The following COX5A variants were observed in gnomAD, a reference collection of about 807,000 sequenced individuals.
COX5A encodes cytochrome c oxidase subunit 5A, mitochondrial.
A neutral mutation model predicts 16.1 loss-of-function variants in COX5A; 6 were observed. The ratio of observed to expected loss-of-function variants is 0.37; its 90% CI spans 0.20 to 0.73. The LOEUF (loss-of-function observed/expected upper bound fraction) is 0.73. Among genes scored for constraint, COX5A ranks in the 30% least tolerant of loss-of-function variants. COX5A has a pLI of 0.50. For missense variants in COX5A, 159 were observed against 194.9 expected (o/e 0.82, Z 1.10); for synonymous variants, 73 against 73.8 (o/e 0.99, Z 0.06).
intron 4 of COX5A, among the ~76,000 whole-genome samples, chr15:74,923,229 G>C (rs2065329629): frequency 6.6e-6 from 1 of 151,930 alleles, no homozygotes; most frequent in Middle Eastern, 3.2e-3. Flanking sequence ...TTTGAGACCA[G>C]CCTGGCCGAC....
intron 3 of COX5A, among the ~76,000 whole-genome samples, chr15:74,925,798 T>G (rs1328239536): frequency 6.6e-6 from 1 of 152,134 alleles, no homozygotes; most frequent in Non-Finnish European, 1.5e-5. Context: ...GTATGACAAA[T>G]AGCAAGAAGA....
chr15:74,922,384 C>CAA (rs200528837), intron 4 of COX5A, among the ~76,000 whole-genome samples: 11 of 71,840 alleles, frequency 1.5e-4, no homozygotes, highest in Middle Eastern at 0.011. Context: ...GACTCCGTCT[C>CAA]AAAAAAAAAA....
intron 1 of COX5A, among the ~76,000 whole-genome samples, chr15:74,937,210 G>A (rs915723477): frequency 3.3e-5 from 5 of 152,022 alleles, no homozygotes; most frequent in Non-Finnish European, 7.4e-5. Flanking sequence ...TATTACAAAG[G>A]GGAAAAAACA....
chr15:74,935,427 T>G (rs950589320), intron 1 of COX5A, among the ~76,000 whole-genome samples: 1 of 150,998 alleles, frequency 6.6e-6, no homozygotes, highest in African/African-American at 2.4e-5. Context: ...AGCCCAGGAG[T>G]CCCCAGACCA....
At chr15:74,921,685 G>A (rs1158426587) in intron 4 of COX5A, among the ~76,000 whole-genome samples, 3 of 150,666 alleles carry the variant, frequency 2.0e-5, no homozygotes, top group Admixed American at 6.6e-5. Context: ...AGCAGAGGTC[G>A]TGCCACTGTA....
At chr15:74,923,141 T>A (rs1011574814) in intron 4 of COX5A, among the ~76,000 whole-genome samples, 9 of 152,010 alleles carry the variant, frequency 5.9e-5, no homozygotes, top group African/African-American at 2.2e-4. Context: ...AAGAAAATAA[T>A]GATGCCGGGC....
intron 1 of COX5A, among the ~76,000 whole-genome samples, chr15:74,937,344 A>C (rs1361989948): frequency 2.0e-5 from 3 of 152,236 alleles, no homozygotes; most frequent in African/African-American, 4.8e-5. Flanking sequence ...ATCAGGAAAC[A>C]ACCACACACT....
At chr15:74,928,766 G>A (rs2065354301) in intron 2 of COX5A, among the ~76,000 whole-genome samples, 1 of 152,132 alleles carries the variant, frequency 6.6e-6, no homozygotes, top group Non-Finnish European at 1.5e-5. Flanking sequence ...TTCAATTAAG[G>A]GTGACTTCAT....
intron 1 of COX5A, among the ~76,000 whole-genome samples, chr15:74,934,332 A>ATTT: frequency 6.9e-6 from 1 of 145,002 alleles, no homozygotes; most frequent in Non-Finnish European, 1.5e-5. Context: ...CGTGATTTAA[A>ATTT]TTTTTTTTTT....
chr15:74,920,581 C>T (rs1472850375), intron 4 of COX5A, 139 bp from the exon 5 acceptor site: 1 of 585,706 alleles, frequency 1.7e-6, no homozygotes, highest in African/African-American at 2.0e-5. Context: ...ATCCTGCCTA[C>T]TGTCAACCCA....
At chr15:74,925,372 A>G (rs1332212743) in intron 3 of COX5A, among the ~76,000 whole-genome samples, 1 of 152,036 alleles carries the variant, frequency 6.6e-6, no homozygotes, top group Non-Finnish European at 1.5e-5. Flanking sequence ...ATATCCTCCT[A>G]TGTTTTCATA....
At chr15:74,937,796 G>A (rs2065398493) in intron 1 of COX5A, 119 bp downstream of exon 1, 2 of 606,566 alleles carry the variant, frequency 3.3e-6, no homozygotes, top group South Asian at 8.9e-5. Flanking sequence ...CGGTCACCGG[G>A]TTCAGTAACC....
In COX5A at chr15:74,937,693, C is replaced by T. The variant is rs947448491; in HGVS notation, c.100+222G>A. The T allele has an allele frequency of 6.2e-5, 22 of 354,020 alleles. No homozygotes were observed. In the Admixed American group the frequency reaches 8.5e-4, roughly 14 times the overall value. The allele number at this position is 354,020 out of a possible 1,614,324, so 21.9% of individuals were successfully genotyped here. A position where few individuals can be genotyped will look rare whatever the true frequency, so the allele number is the denominator to read the frequency against. On this transcript the variant is annotated intron_variant, in intron 1 of 4. Transcript: ENST00000322347. ...ACAGCAGGTCCACATCTGACCTGTC[C>T]GCGGTGGCACAGCCAGGAAGTTGCG...
chr15:74,921,607 G>A (rs1177636987), intron 4 of COX5A, among the ~76,000 whole-genome samples: 1 of 151,926 alleles, frequency 6.6e-6, no homozygotes, highest in Non-Finnish European at 1.5e-5. Context: ...GTGGGCACTT[G>A]TAATCCCAGC....
In COX5A at chr15:74,937,951, G is replaced by A. The variant is rs1041145306; in HGVS notation, c.64C>T (p.Leu22Phe). Residue 22 changes from leucine (L) to phenylalanine (F), a missense_variant, in exon 1 of 5, where the codon CTC (leucine) becomes TTC (phenylalanine). Physicochemically the swap from Leu to Phe is conservative, Grantham distance 22. Coordinates refer to ENST00000322347, the MANE Select transcript of COX5A (RefSeq NM_004255.4). ...CCGGGGGTCCGGGCGGAGTGCAGGA[G>A]GCCTCGAGGGTCGGCCCGGGTGGTT... ...AATTRADPRG[L>F]LHSARTPGPA... The A allele has an allele frequency of 1.6e-6, 2 of 1,233,136 alleles. No homozygotes were observed. Among genetic ancestry groups the A allele is most frequent in the Non-Finnish European group, 2.0e-6 (2 of 987,988 alleles). 76.4% of individuals were successfully genotyped at this position (1,233,136 alleles called of 1,614,324 possible). A position where few individuals can be genotyped will look rare whatever the true frequency, so the allele number is the denominator to read the frequency against.
intron 1 of COX5A, among the ~76,000 whole-genome samples, chr15:74,934,412 G>C (rs915331996): frequency 6.6e-6 from 1 of 151,364 alleles, no homozygotes; most frequent in Admixed American, 6.6e-5. Context: ...CTCACTGCAA[G>C]CTCCGCCTCC....
chr15:74,927,159 C>T (rs2065348222), intron 2 of COX5A, among the ~76,000 whole-genome samples: 2 of 151,678 alleles, frequency 1.3e-5, no homozygotes, highest in African/African-American at 4.8e-5. Context: ...CCTTTGAGAA[C>T]AAGAGGGTCA....
At chr15:74,931,016 C>CAA (rs61417867) in intron 1 of COX5A, among the ~76,000 whole-genome samples, 1,792 of 23,674 alleles carry the variant, frequency 0.076, 409 homozygotes, top group South Asian at 0.33. Flanking sequence ...GACTCTGTCT[C>CAA]AAAAAAAAAA....
intron 1 of COX5A, 176 bp downstream of exon 1, chr15:74,937,739 G>A (rs2065398283): frequency 2.5e-6 from 1 of 395,412 alleles, no homozygotes; most frequent in Non-Finnish European, 4.4e-6. Context: ...CCCCGGGGGC[G>A]CGCTTTCAGG....
Sources: allele counts gnomAD v4.1 joint callset (sites outside exome capture counted in the v4.1 genomes callset), GRCh38; gene constraint gnomAD v4.1.1; transcripts MANE v1.5; gene names NCBI Gene and HGNC (gene_info 2026-07-23, HGNC 2026-07-21).